LUZP2: variants seen among roughly 807,000 people sequenced by gnomAD.
The protein encoded by LUZP2 is leucine zipper protein 2.
LUZP2 carries 52 observed loss-of-function variants against 51.6 expected under a neutral mutation model. The ratio of observed to expected loss-of-function variants is 1.01; its 90% CI spans 0.81 to 1.27. The LOEUF is 1.27. LUZP2 is among the 50% of genes most tolerant of loss of function. LUZP2 has a pLI of 0.00. For synonymous variants in LUZP2, 154 were observed against 137.3 expected (o/e 1.12, Z -0.85); for missense variants, 436 against 395.4 (o/e 1.10, Z -0.87).
Position 24,611,521 on chromosome 11 carries a change from A to G in LUZP2, c.62+114216A>G, listed in dbSNP as rs1038644057. Reference sequence around the variant, plus strand: ...ACAGGGCTTGTTAGATTGTGTGAAAAGATACATTGAGTCAGAGTTTGGCAA... The same window carrying G: ...ACAGGGCTTGTTAGATTGTGTGAAAGGATACATTGAGTCAGAGTTTGGCAA... On this transcript the variant is annotated intron_variant, in intron 1 of 11. Coordinates refer to ENST00000336930, the MANE Select transcript of LUZP2 (RefSeq NM_001009909.4). This position sits in a 1 kb window ranked among gnomAD's most constrained non-coding sequence, Gnocchi z 4.6. 2.6e-5 allele frequency among the ~76,000 whole-genome samples: 4 copies of G among 152,178 alleles called. No homozygotes were observed. The highest frequency in any genetic ancestry group is 7.2e-5 in the African/African-American group (3 of 41,432).
intron 1 of LUZP2, among the ~76,000 whole-genome samples, chr11:24,703,823 T>C (rs1300789020): frequency 1.3e-5 from 2 of 149,158 alleles, no homozygotes; most frequent in Admixed American, 1.4e-4. Flanking sequence ...TGAGACTCCA[T>C]CTCAAAAAAC....
At chr11:24,512,804 C>G (rs1317176545) in intron 1 of LUZP2, among the ~76,000 whole-genome samples, 2 of 149,620 alleles carry the variant, frequency 1.3e-5, no homozygotes, top group African/African-American at 4.9e-5. Flanking sequence ...GGCTGGAGTG[C>G]AGTGGCACGA....
intron 1 of LUZP2, among the ~76,000 whole-genome samples, chr11:24,680,153 G>A (rs538058214): frequency 4.2e-4 from 64 of 152,222 alleles, no homozygotes; most frequent in African/African-American, 1.4e-3. Flanking sequence ...AAAATAAAAG[G>A]AGAATAGTGG....
chr11:24,517,513 A>AAAAAAT (rs1850510206), intron 1 of LUZP2, among the ~76,000 whole-genome samples: 1 of 145,430 alleles, frequency 6.9e-6, no homozygotes, highest in Non-Finnish European at 1.5e-5. Flanking sequence ...AAAAAAAAAA[A>AAAAAAT]TTGTAGGTAC....
At chr11:24,745,387 C>G (rs1316756166) in intron 4 of LUZP2, among the ~76,000 whole-genome samples, 4 of 152,060 alleles carry the variant, frequency 2.6e-5, no homozygotes, top group Non-Finnish European at 5.9e-5. Flanking sequence ...TTTAGGAACT[C>G]CAGTGTTAGG....
chr11:25,017,982 A>G (rs1857205699), intron 9 of LUZP2, among the ~76,000 whole-genome samples: 1 of 150,774 alleles, frequency 6.6e-6, no homozygotes, highest in African/African-American at 2.4e-5. Flanking sequence ...TTCTCCTTGT[A>G]GAGATTTTGT....
rs182898763 is a variant in LUZP2 at position 24,648,240 on chromosome 11, G to A, written c.63-80929G>A. Among the ~76,000 whole-genome samples the A allele has an allele frequency of 2.5e-3, 386 of 151,892 alleles. 2 individuals carry two copies. The highest frequency in any genetic ancestry group is 9.1e-3 in the African/African-American group (376 of 41,496). The stretch of plus-strand genomic sequence containing the variant: ...TTCTACTATCGGCACATCTATTCAT[G>A]TAGGTATCCATGCATACAACCTGGT... On this transcript the variant is annotated intron_variant, in intron 1 of 11. Transcript: ENST00000336930.
intron 1 of LUZP2, among the ~76,000 whole-genome samples, chr11:24,505,283 G>C (rs779545158): frequency 1.2e-4 from 19 of 152,058 alleles, no homozygotes; most frequent in African/African-American, 4.6e-4. Flanking sequence ...AAATGGAGTC[G>C]GGGAGTTTAG....
chr11:24,690,532 A>T (rs1237603163), intron 1 of LUZP2, among the ~76,000 whole-genome samples: 1 of 152,068 alleles, frequency 6.6e-6, no homozygotes, highest in Non-Finnish European at 1.5e-5. Flanking sequence ...AAATATTTAA[A>T]CTTCATTTGG....
intron 1 of LUZP2, among the ~76,000 whole-genome samples, chr11:24,630,773 G>C (rs1854860309): frequency 6.7e-6 from 1 of 150,334 alleles, no homozygotes; most frequent in African/African-American, 2.4e-5. Flanking sequence ...CACCGAATCT[G>C]TAGATTGCTT....
chr11:24,625,220 C>A (rs1253693120), intron 1 of LUZP2, among the ~76,000 whole-genome samples: 1 of 151,674 alleles, frequency 6.6e-6, no homozygotes. Context: ...TCAAAGGGCA[C>A]AAAATGTCAC....
chr11:24,964,317 G>T (rs1417303503), intron 7 of LUZP2, among the ~76,000 whole-genome samples: 3 of 152,108 alleles, frequency 2.0e-5, no homozygotes, highest in Admixed American at 1.3e-4. Context: ...AGAAAAAGAG[G>T]CTGAGAAAAT....
intron 10 of LUZP2, among the ~76,000 whole-genome samples, chr11:25,070,372 G>T (rs1296817779): frequency 6.6e-6 from 1 of 151,776 alleles, no homozygotes; most frequent in African/African-American, 2.4e-5. Flanking sequence ...CAAAGCAAAG[G>T]CAAAGCAAAG....
rs947673227 is a variant in LUZP2, at chr11:24,566,735, TTATA to T, written c.62+69435_62+69438del. 6.8e-5 allele frequency among the ~76,000 whole-genome samples: 10 copies of T among 146,418 alleles called. No homozygotes were observed. The South Asian group carries it at 1.0e-3, about 15-fold the overall frequency. On this transcript the variant is annotated intron_variant, in intron 1 of 11. Coordinates refer to ENST00000336930, the MANE Select transcript of LUZP2 (RefSeq NM_001009909.4). Reference sequence around the variant, plus strand: ...TGTATATATATGTATATATACATATTTATATATAATGTATGTATACATATTTATG... The same window carrying T: ...TGTATATATATGTATATATACATATTTATAATGTATGTATACATATTTATG...
intron 1 of LUZP2, among the ~76,000 whole-genome samples, chr11:24,548,497 C>A (rs1046794061): frequency 2.6e-5 from 4 of 151,974 alleles, no homozygotes; most frequent in African/African-American, 9.7e-5. Context: ...GGGAGCTAAA[C>A]ATTGAGTACA....
chr11:24,803,722 A>T (rs1317014024), intron 5 of LUZP2, among the ~76,000 whole-genome samples: 9 of 152,154 alleles, frequency 5.9e-5, no homozygotes, highest in African/African-American at 1.9e-4. Flanking sequence ...TAAATAAGCC[A>T]GTTATGAAAA....
rs1420539326 is a variant in LUZP2, at chr11:25,026,880, TTC to T, written c.766-23156_766-23155del. Among the ~76,000 whole-genome samples, 190 of 124,242 alleles carry T rather than the reference TTC, an allele frequency of 1.5e-3. 2 individuals are homozygous for T. Among genetic ancestry groups the T allele is most frequent in the Middle Eastern group, 0.012 (3 of 242 alleles). 81.5% of individuals were successfully genotyped at this position (124,242 alleles called of 152,430 possible). A position where few individuals can be genotyped will look rare whatever the true frequency, so the allele number is the denominator to read the frequency against. ...TTTATTTTTTTAATTATTATTTTTT[TTC>T]TTTCTTTATTTATTTTTTTATTATT... On this transcript the variant is annotated intron_variant, in intron 9 of 11. Transcript: ENST00000336930.
intron 4 of LUZP2, chr11:24,751,532 A>G: frequency 2.1e-6 from 2 of 953,466 alleles, no homozygotes; most frequent in Non-Finnish European, 2.5e-6. Context: ...CTAGAATGAG[A>G]AGTAATGGGA....
rs551013928 is a variant in LUZP2, at chr11:24,718,455, G to A, written c.63-10714G>A. Among the ~76,000 whole-genome samples, 5 of 152,336 alleles carry A rather than the reference G, an allele frequency of 3.3e-5. No homozygotes were observed. In the South Asian group the frequency reaches 8.3e-4, roughly 25 times the overall value. ...GAGTGGGAATTTGGAGTGTCTGTGA[G>A]TGCATCATAACAGGTAAATAAGGAT... On this transcript the variant is annotated intron_variant, in intron 1 of 11. Transcript: ENST00000336930.
Sources: gnomAD v4.1 joint callset for allele counts (sites outside exome capture counted in the v4.1 genomes callset) on GRCh38, gnomAD v4.1.1 for gene constraint, Gnocchi (gnomAD v3.1) non-coding constraint, MANE v1.5 for transcripts, NCBI Gene and HGNC (gene_info 2026-07-23, HGNC 2026-07-21) for gene names.